The following ERBB4 variants were observed in gnomAD, a reference collection of about 807,000 sequenced individuals.
ERBB4 encodes erb-b2 receptor tyrosine kinase 4.
In ERBB4, 42 loss-of-function variants were observed where a neutral mutation model predicts 158.0. That is an observed-to-expected ratio of 0.27 (90% CI 0.21 to 0.34). ERBB4 has a LOEUF of 0.34. Ranked by LOEUF, ERBB4 falls within the 10% of genes least tolerant of loss-of-function variation. The pLI is 1.00. For missense variants in ERBB4, 1,333 were observed against 1,624.1 expected (o/e 0.82, Z 3.08); for synonymous variants, 583 against 558.7 (o/e 1.04, Z -0.61).
chr2:212,407,522 G>T (rs2091380792), intron 1 of ERBB4, among the ~76,000 whole-genome samples: 1 of 151,990 alleles, frequency 6.6e-6, no homozygotes, highest in Non-Finnish European at 1.5e-5. Context: ...ACTTCAAAAT[G>T]CATGTTCTTC....
At chr2:212,460,564 C>G (rs1688520768) in intron 1 of ERBB4, among the ~76,000 whole-genome samples, 5 of 152,118 alleles carry the variant, frequency 3.3e-5, no homozygotes, top group Admixed American at 6.6e-5. Context: ...TCATTTTGCC[C>G]CTGCCCTAGA....
At chr2:211,954,150 A>T (rs1559177556) in intron 2 of ERBB4, among the ~76,000 whole-genome samples, 1 of 151,910 alleles carries the variant, frequency 6.6e-6, no homozygotes, top group Non-Finnish European at 1.5e-5. Context: ...TTCTTAGTTG[A>T]CTTTTTAAAA....
intron 1 of ERBB4, among the ~76,000 whole-genome samples, chr2:212,464,455 A>AT (rs1218523805): frequency 6.6e-6 from 1 of 152,042 alleles, no homozygotes; most frequent in East Asian, 1.9e-4. Context: ...GTAAGAACAG[A>AT]TTTTTTTCAT....
At chr2:212,159,326 C>T (rs746765604) in intron 1 of ERBB4, among the ~76,000 whole-genome samples, 9 of 150,796 alleles carry the variant, frequency 6.0e-5, no homozygotes, top group African/African-American at 9.8e-5. Flanking sequence ...TATATAATTC[C>T]GTGACTTTGT....
chr2:211,518,525 A>G (rs946779734), intron 20 of ERBB4, among the ~76,000 whole-genome samples: 10 of 151,970 alleles, frequency 6.6e-5, no homozygotes, highest in Admixed American at 2.6e-4. Flanking sequence ...GTGGTGGTGC[A>G]CACCTGTAAT....
Position 212,216,335 on chromosome 2 carries a change from A to G in ERBB4, c.83-91432T>C, listed in dbSNP as rs1048821369. Among the ~76,000 whole-genome samples, 3 of 151,542 alleles carry G rather than the reference A, an allele frequency of 2.0e-5. No individual in the cohort carries two copies. The East Asian group carries it at 5.8e-4, about 29-fold the overall frequency. On this transcript the variant is annotated intron_variant, in intron 1 of 27. Transcript: ENST00000342788. ...AAAATGCAATATGTATCAAATATACACACAGTAAATCTATTTAAAATATTT... is the reference window on the plus strand; with the variant it reads ...AAAATGCAATATGTATCAAATATACGCACAGTAAATCTATTTAAAATATTT...
intron 3 of ERBB4, among the ~76,000 whole-genome samples, chr2:211,839,691 T>C (rs1371428898): frequency 6.6e-6 from 1 of 152,120 alleles, no homozygotes; most frequent in South Asian, 2.1e-4. Context: ...TACTGAAAGA[T>C]AAAATGCTTA....
intron 1 of ERBB4, among the ~76,000 whole-genome samples, chr2:212,359,700 T>C (rs1026559935): frequency 1.3e-5 from 2 of 151,784 alleles, no homozygotes; most frequent in Non-Finnish European, 2.9e-5. Context: ...ATATTGTATA[T>C]GCATTACTAC....
At chr2:211,435,775 G>A (rs564684226) in intron 20 of ERBB4, among the ~76,000 whole-genome samples, 25 of 152,186 alleles carry the variant, frequency 1.6e-4, no homozygotes, top group Middle Eastern at 3.2e-3. Flanking sequence ...CACAAAAACA[G>A]TCCCTGGTGC....
chr2:212,327,734 T>TC lies in ERBB4; in HGVS notation c.83-202832_83-202831insG, dbSNP rs1054843388. ...CTTTTTTTTTTCTTTTTTTCTTTTT[T>TC]TTTTTTTGTAGGGGAGAGAAACGTT... On this transcript the variant is annotated intron_variant, in intron 1 of 27. Coordinates refer to ENST00000342788, the MANE Select transcript of ERBB4 (RefSeq NM_005235.3). Among the ~76,000 whole-genome samples, 15 of 149,422 alleles carry TC rather than the reference T, an allele frequency of 1.0e-4. No homozygotes were observed. In the East Asian group the frequency reaches 2.2e-3, roughly 22 times the overall value.
intron 7 of ERBB4, among the ~76,000 whole-genome samples, chr2:211,716,679 A>AAAC (rs139631300): frequency 2.2e-4 from 34 of 151,278 alleles, no homozygotes; most frequent in Middle Eastern, 3.4e-3. Flanking sequence ...CCGTCTCAAA[A>AAAC]AACAACAACA....
In ERBB4 at chr2:211,703,992, C is replaced by G. The variant is rs562309486; in HGVS notation, c.1289+112G>C. The G allele has an allele frequency of 3.1e-4, 236 of 768,068 alleles. No homozygotes were observed. In the African/African-American group the frequency reaches 3.5e-3, roughly 11 times the overall value. The allele number at this position is 768,068 out of a possible 1,614,324, so 47.6% of individuals were successfully genotyped here. On this transcript the variant is annotated intron_variant, in intron 11 of 27. Coordinates refer to ENST00000342788, the MANE Select transcript of ERBB4 (RefSeq NM_005235.3). ...TTATCTTTGGAAATAAGGATGGAAG[C>G]ATGATTTCCCCAGAATCAGTAAATC... is the stretch of plus-strand genomic sequence containing the variant.
rs540709001 is a variant in ERBB4, at chr2:211,886,045, TA to T, written c.421+61384del. 2.2e-4 allele frequency among the ~76,000 whole-genome samples: 33 copies of T among 152,196 alleles called. 1 individual carries two copies. In the South Asian group the frequency reaches 4.1e-3, roughly 19 times the overall value. On this transcript the variant is annotated intron_variant, in intron 3 of 27. Transcript: ENST00000342788. Reference sequence around the variant, plus strand: ...TATATAAAGCATAGAGAGAAAGAGGTAAAAAAATGCTTCAAATTTTATTGCA... The same window carrying T: ...TATATAAAGCATAGAGAGAAAGAGGTAAAAAATGCTTCAAATTTTATTGCA...
chr2:212,373,907 GTATATATCCATATA>G (rs1394364635), intron 1 of ERBB4, among the ~76,000 whole-genome samples: 2 of 76,158 alleles, frequency 2.6e-5, no homozygotes, highest in South Asian at 4.0e-4. Context: ...ATATATCCAT[GTATATATCCATATA>G]TATATATCCA....
In ERBB4 at chr2:212,265,749, G is replaced by A. The variant is rs930232010; in HGVS notation, c.83-140846C>T. Among the ~76,000 whole-genome samples, 6 of 152,180 alleles carry A rather than the reference G, an allele frequency of 3.9e-5. No homozygotes were observed. The East Asian group carries it at 1.2e-3, about 29-fold the overall frequency. ...AATAAAACCCTTCTCTGCTTAGACT[G>A]TAAACCAACAGACTGTGTCTAATCC... On this transcript the variant is annotated intron_variant, in intron 1 of 27. Transcript: ENST00000342788.
intron 23 of ERBB4, among the ~76,000 whole-genome samples, chr2:211,422,343 G>A (rs1204965210): frequency 6.6e-6 from 1 of 151,794 alleles, no homozygotes; most frequent in Non-Finnish European, 1.5e-5. Context: ...TTTCTCTGAT[G>A]TGTATAGACG....
intron 20 of ERBB4, among the ~76,000 whole-genome samples, chr2:211,474,951 A>C (rs1482806841): frequency 1.3e-5 from 2 of 152,044 alleles, no homozygotes; most frequent in African/African-American, 2.4e-5. Flanking sequence ...GTGATGGAAG[A>C]CTGGGGAAGA....
chr2:211,832,067 G>T (rs2077232998), intron 3 of ERBB4, among the ~76,000 whole-genome samples: 1 of 152,142 alleles, frequency 6.6e-6, no homozygotes, highest in South Asian at 2.1e-4. Context: ...AACATCTTCA[G>T]CTGTCTGTAC....
Position 211,761,577 on chromosome 2 carries a change from A to G in ERBB4, c.557-10873T>C, listed in dbSNP as rs542670027. On this transcript the variant is annotated intron_variant, in intron 4 of 27. Transcript: ENST00000342788. ...TAGTCAAACATTTTTGTTCTTGCCC[A>G]TTATTTCATTTCTAATTGGCAATTA... Among the ~76,000 whole-genome samples, 14 of 152,200 alleles carry G rather than the reference A, an allele frequency of 9.2e-5. No homozygotes were observed. In the South Asian group the frequency reaches 2.9e-3, roughly 32 times the overall value.
Sources: gnomAD v4.1 joint callset for allele counts (sites outside exome capture counted in the v4.1 genomes callset) on GRCh38, gnomAD v4.1.1 for gene constraint, MANE v1.5 for transcripts, NCBI Gene and HGNC (gene_info 2026-07-23, HGNC 2026-07-21) for gene names.